The following LMTK2 variants were observed in gnomAD, a reference collection of about 807,000 sequenced individuals.
LMTK2 encodes the protein lemur tail kinase 2.
Under a neutral mutation model 127.5 loss-of-function variants are expected in LMTK2, and 37 were observed. The observed-to-expected ratio is 0.29, with a 90% CI of 0.22 to 0.38. LMTK2 has a LOEUF of 0.38. LMTK2 is among the 10% of genes least tolerant of loss of function. The pLI, the probability that LMTK2 is intolerant of heterozygous loss-of-function variation, is 1.00. For missense variants in LMTK2, 1,694 were observed against 1,920.3 expected, an observed-to-expected ratio of 0.88 and a Z score of 2.20; for synonymous variants, 819 against 810.1, an observed-to-expected ratio of 1.01 and a Z score of -0.19.
At chr7:98,112,173 G>A (rs188273806) in intron 1 of LMTK2, among the ~76,000 whole-genome samples, 1 of 152,268 alleles carries the variant, frequency 6.6e-6, no homozygotes, top group East Asian at 1.9e-4. Context: ...AGATGAATGT[G>A]ACTGACGTTT....
intron 1 of LMTK2, among the ~76,000 whole-genome samples, chr7:98,130,005 G>A (rs955086338): frequency 1.3e-5 from 2 of 152,066 alleles, no homozygotes; most frequent in African/African-American, 4.8e-5. Context: ...CTCCAACCGC[G>A]GGCCTCAAGG....
At chr7:98,195,211 G>A (rs989859925) in intron 11 of LMTK2, among the ~76,000 whole-genome samples, 4 of 152,204 alleles carry the variant, frequency 2.6e-5, no homozygotes, top group African/African-American at 9.7e-5. Context: ...ACAATTGGCA[G>A]TAGGACCCAC....
At chr7:98,182,632 TG>T (rs1797371491) in intron 7 of LMTK2, among the ~76,000 whole-genome samples, 1 of 152,164 alleles carries the variant, frequency 6.6e-6, no homozygotes, top group Admixed American at 6.5e-5. Context: ...GCTCTGTTGG[TG>T]GGAAGGTAAA....
rs1484885952 is a variant in LMTK2, at chr7:98,192,272, G to A, written c.1807G>A (p.Asp603Asn). 6.5e-7 allele frequency: 1 copy of A among 1,532,528 alleles called. No homozygotes were observed. Among genetic ancestry groups the A allele is most frequent in the East Asian group, 2.2e-5 (1 of 44,460 alleles). 94.9% of individuals were successfully genotyped at this position (1,532,528 alleles called of 1,614,324 possible). A position where few individuals can be genotyped will look rare whatever the true frequency, so the allele number is the denominator to read the frequency against. Residue 603 changes from aspartate (D) to asparagine (N), a missense_variant, in exon 11 of 14, where the codon GAT becomes AAT. Physicochemically the swap from Asp to Asn is conservative, Grantham distance 23. Transcript: ENST00000297293. Reference sequence around the variant, plus strand: ...CGTTGAACTTGAGGAGTCCAGTACAGATGAGGACTTCTTCCAAAGCAGTAC... The same window carrying A: ...CGTTGAACTTGAGGAGTCCAGTACAAATGAGGACTTCTTCCAAAGCAGTAC... ...RSVELEESST[D>N]EDFFQSSTDP... is the part of the protein sequence containing the mutation.
Position 98,191,766 on chromosome 7 carries a change from A to G in LMTK2, c.1301A>G (p.Asn434Ser). The change falls in exon 11 of 14, where the codon AAC becomes AGC. Residue 434 changes from asparagine to serine, a missense_variant. Around this residue, in one of 8 missense-constraint regions of LMTK2, gnomAD observed 216 missense variants for 266.8 expected, o/e 0.81. Transcript: ENST00000297293. ...QQWNALKPNT[N>S]SRDSSNNAAF... ...TGGAACGCTCTGAAGCCGAACACAA[A>G]CAGCAGAGACTCCTCCAACAATGCT... 6.2e-7 allele frequency: 1 copy of G among 1,614,080 alleles called. No homozygotes were observed.
intron 9 of LMTK2, 32 bp downstream of exon 9, chr7:98,187,030 T>C: frequency 6.3e-7 from 1 of 1,591,538 alleles, no homozygotes; most frequent in Non-Finnish European, 8.6e-7. Flanking sequence ...TATTAGTCAT[T>C]TCTTTGGCAA....
At chr7:98,175,544 A>G (rs562356329) in intron 7 of LMTK2, among the ~76,000 whole-genome samples, 7 of 152,226 alleles carry the variant, frequency 4.6e-5, no homozygotes, top group Admixed American at 6.5e-5. Context: ...TTTAATCACT[A>G]TTGCACCTCA....
chr7:98,126,327 T>C (rs1437317654), intron 1 of LMTK2, among the ~76,000 whole-genome samples: 2 of 152,168 alleles, frequency 1.3e-5, no homozygotes, highest in Admixed American at 6.5e-5. Context: ...TAGACGTTGG[T>C]GGTCCACTGC....
intron 11 of LMTK2, among the ~76,000 whole-genome samples, chr7:98,200,035 T>A (rs1470050472): frequency 6.6e-6 from 1 of 152,222 alleles, no homozygotes; most frequent in Non-Finnish European, 1.5e-5. Context: ...TTTCTATTCT[T>A]CCTCTTTTTA....
chr7:98,154,973 A>G (rs1419856967), intron 5 of LMTK2, 97 bp downstream of exon 5: 6 of 711,792 alleles, frequency 8.4e-6, no homozygotes, highest in African/African-American at 5.4e-5. Context: ...TGTAACATAC[A>G]TGATTAAGTA....
In LMTK2 at chr7:98,193,480, C is replaced by A. The variant is rs1190323515; in HGVS notation, c.3015C>A (p.Val1005=). ...ETPDSLESVD[V]HEALLDSLGS... is the part of the protein sequence containing the mutation. ...CGGACTCTCTGGAGTCAGTGGATGT[C>A]CACGAAGCGCTACTGGACTCTTTAG... The change falls in exon 11 of 14, where the codon GTC becomes GTA. Residue 1005 remains valine, a synonymous_variant. Coordinates refer to ENST00000297293, the MANE Select transcript of LMTK2 (RefSeq NM_014916.4). This position sits in a 1 kb window ranked among gnomAD's most constrained non-coding sequence, Gnocchi z 4.1. 1 of 1,614,150 alleles carries A rather than the reference C, an allele frequency of 6.2e-7. No homozygotes were observed. The highest frequency in any genetic ancestry group is 8.5e-7 in the Non-Finnish European group (1 of 1,180,012).
intron 5 of LMTK2, among the ~76,000 whole-genome samples, chr7:98,157,356 C>A (rs1049816746): frequency 6.6e-6 from 1 of 151,874 alleles, no homozygotes; most frequent in African/African-American, 2.4e-5. Flanking sequence ...TCAAAAAACA[C>A]CCTCACAGAA....
intron 7 of LMTK2, among the ~76,000 whole-genome samples, chr7:98,181,555 G>T (rs1584285585): frequency 6.6e-6 from 1 of 152,328 alleles, no homozygotes; most frequent in African/African-American, 2.4e-5. Flanking sequence ...CAAAGCTACA[G>T]TAATCAAAAC....
At chr7:98,201,340 T>G (rs1797701092) in intron 11 of LMTK2, among the ~76,000 whole-genome samples, 1 of 152,190 alleles carries the variant, frequency 6.6e-6, no homozygotes, top group Admixed American at 6.5e-5. Context: ...TTTTTCAGAT[T>G]TTGGAATATT....
rs370649952 is a variant in LMTK2 at position 98,193,406 on chromosome 7, G to A, written c.2941G>A (p.Asp981Asn). Residue 981 changes from aspartate (D) to asparagine (N), a missense_variant, in exon 11 of 14, where the codon GAC becomes AAC. Coordinates refer to ENST00000297293, the MANE Select transcript of LMTK2 (RefSeq NM_014916.4). This position sits in a 1 kb window ranked among gnomAD's most constrained non-coding sequence, Gnocchi z 4.1. Reference protein sequence around the residue: ...DSTSQDSLLEDSLSAPFPASE... With the variant: ...DSTSQDSLLENSLSAPFPASE... ...AACCAGTCAGGACAGCCTCCTGGAG[G>A]ACAGCTTGTCAGCACCCTTCCCAGC... 6.2e-7 allele frequency: 1 copy of A among 1,614,008 alleles called. No individual in the cohort carries two copies. Among genetic ancestry groups the A allele is most frequent in the African/African-American group, 1.3e-5 (1 of 74,910 alleles).
Position 98,186,993 on chromosome 7 carries a change from T to C in LMTK2, c.993T>C (p.Asn331=), listed in dbSNP as rs1205487336. ...CTGCAGATCAGACTAAGTATAGTAA[T>C]ATCTGGTACGTATTGGCTTACCGTT... ...LLTADQTKYS[N]IWSLGVTLWE... The change falls in exon 9 of 14, where the codon AAT becomes AAC. Residue 331 remains asparagine, a synonymous_variant. Coordinates refer to ENST00000297293, the MANE Select transcript of LMTK2 (RefSeq NM_014916.4). 2.5e-6 allele frequency: 4 copies of C among 1,611,500 alleles called. No individual in the cohort carries two copies. In the Admixed American group the frequency reaches 5.0e-5, roughly 20 times the overall value.
chr7:98,148,543 AGTCTT>A (rs1796805843), intron 3 of LMTK2, among the ~76,000 whole-genome samples: 1 of 151,556 alleles, frequency 6.6e-6, no homozygotes, highest in African/African-American at 2.4e-5. Context: ...TAAAAAATAA[AGTCTT>A]GTCTAATAAT....
At chr7:98,165,657 G>C (rs1797085319) in intron 6 of LMTK2, among the ~76,000 whole-genome samples, 1 of 151,998 alleles carries the variant, frequency 6.6e-6, no homozygotes. Flanking sequence ...CTCCATTTTA[G>C]AATTGGCCTC....
At chr7:98,125,367 C>T (rs1168417590) in intron 1 of LMTK2, among the ~76,000 whole-genome samples, 2 of 151,940 alleles carry the variant, frequency 1.3e-5, no homozygotes, top group Admixed American at 6.6e-5. Flanking sequence ...TGCCATCTGA[C>T]GTATCATATA....
Sources: allele counts gnomAD v4.1 joint callset (sites outside exome capture counted in the v4.1 genomes callset), GRCh38; gene constraint gnomAD v4.1.1; regional missense constraint gnomAD v4.1.1; non-coding constraint Gnocchi (gnomAD v3.1); transcripts MANE v1.5; gene names NCBI Gene and HGNC (gene_info 2026-07-23, HGNC 2026-07-21).